The following TTC23 variants were observed in gnomAD, a reference collection of about 807,000 sequenced individuals.
The protein encoded by TTC23 is tetratricopeptide repeat domain 23.
Under a neutral mutation model 55.1 loss-of-function variants are expected in TTC23, and 58 were observed. The observed-to-expected ratio is 1.05, with a 90% CI of 0.85 to 1.31. The LOEUF is 1.31. Ranked by LOEUF, TTC23 falls within the 50% of genes most tolerant of loss-of-function variation. TTC23 has a pLI of 0.00. For synonymous variants in TTC23, 203 were observed against 199.9 expected, an observed-to-expected ratio of 1.02 and a Z score of -0.13; for missense variants, 516 against 534.4, an observed-to-expected ratio of 0.97 and a Z score of 0.34.
chr15:99,230,474 A>G (rs1250813677), intron 4 of TTC23, among the ~76,000 whole-genome samples: 3 of 152,188 alleles, frequency 2.0e-5, no homozygotes, highest in Non-Finnish European at 4.4e-5. Context: ...AAATTTAAGA[A>G]AAAGCATAAA....
intron 10 of TTC23, among the ~76,000 whole-genome samples, chr15:99,174,723 C>T (rs1173991389): frequency 6.6e-6 from 1 of 152,048 alleles, no homozygotes; most frequent in Non-Finnish European, 1.5e-5. Flanking sequence ...CCACAACAAT[C>T]TTTAAAAATA....
At chr15:99,155,587 A>T (rs2151878948) in intron 12 of TTC23, 1 of 152,708 alleles carries the variant, frequency 6.5e-6, no homozygotes, top group South Asian at 2.1e-4. Flanking sequence ...ATATTGACAC[A>T]TGAATAAACA....
intron 12 of TTC23, among the ~76,000 whole-genome samples, chr15:99,146,646 A>C (rs1015449672): frequency 6.6e-6 from 1 of 152,194 alleles, no homozygotes; most frequent in Non-Finnish European, 1.5e-5. Context: ...CTGTACACTC[A>C]CTAAGCCATG....
chr15:99,143,285 A>C (rs2068456489), intron 12 of TTC23, among the ~76,000 whole-genome samples: 1 of 152,256 alleles, frequency 6.6e-6, no homozygotes, highest in African/African-American at 2.4e-5. Flanking sequence ...ATTTTTCAGC[A>C]TTCTGCTCTT....
At chr15:99,169,353 A>T (rs78346972) in intron 10 of TTC23, among the ~76,000 whole-genome samples, 14,650 of 152,150 alleles carry the variant, frequency 0.096, 878 homozygotes, top group East Asian at 0.29. Flanking sequence ...CTCTCACTTG[A>T]CTGTACCACC....
intron 5 of TTC23, among the ~76,000 whole-genome samples, chr15:99,224,309 T>A (rs1241536746): frequency 2.0e-5 from 3 of 152,226 alleles, no homozygotes; most frequent in Non-Finnish European, 2.9e-5. Flanking sequence ...GTTTACCGCC[T>A]AGAGATATCT....
intron 12 of TTC23, chr15:99,140,835 C>CAGTGCACAGA (rs1452879612): frequency 6.6e-6 from 1 of 152,172 alleles, no homozygotes; most frequent in Non-Finnish European, 1.5e-5. Context: ...AAGATTCTTG[C>CAGTGCACAGA]AGTGCACAGA....
chr15:99,137,637 C>T lies in TTC23; in HGVS notation c.*373G>A, dbSNP rs2067696287. On this transcript the variant is annotated 3_prime_UTR_variant, in exon 14 of 14. Transcript: ENST00000394132. Reference sequence around the variant, plus strand: ...ACTTCCTGAAGTTCACTGTCCAGATCTAACTCCACACCTATGCAAGGAGCT... The same window carrying T: ...ACTTCCTGAAGTTCACTGTCCAGATTTAACTCCACACCTATGCAAGGAGCT... The T allele has an allele frequency of 1.0e-5, 2 of 196,092 alleles. No individual in the cohort carries two copies. Among genetic ancestry groups the T allele is most frequent in the Non-Finnish European group, 2.1e-5 (2 of 94,664 alleles). 12.1% of individuals were successfully genotyped at this position (196,092 alleles called of 1,614,324 possible).
At position 99,167,977 on chromosome 15, in the gene TTC23, T is replaced by C. The variant is rs1275156890; in HGVS notation, c.866-6110A>G. Among the ~76,000 whole-genome samples, 4 of 152,308 alleles carry C rather than the reference T, an allele frequency of 2.6e-5. No individual in the cohort carries two copies. In the South Asian group the frequency reaches 8.3e-4, roughly 32 times the overall value. ...ACCCAGGAAACACATTGAAGCTACT[T>C]AGACCCTGCTGGGGGCTGCTGTTCG... On this transcript the variant is annotated intron_variant, in intron 10 of 13. Transcript: ENST00000394132.
At chr15:99,205,146 C>T (rs2076520247) in intron 8 of TTC23, among the ~76,000 whole-genome samples, 1 of 152,008 alleles carries the variant, frequency 6.6e-6, no homozygotes, top group Non-Finnish European at 1.5e-5. Context: ...TATTCTGTTC[C>T]ATTGGTCTAT....
Position 99,197,905 on chromosome 15 carries a change from C to CAAAAAAA in TTC23, c.759+2007_759+2013dup, listed in dbSNP as rs199825292. On this transcript the variant is annotated intron_variant, in intron 9 of 13. Coordinates refer to ENST00000394132, the MANE Select transcript of TTC23 (RefSeq NM_001288615.3). ...GCAACAGAGCAAGACTCCGCTCAAA[C>CAAAAAAA]AAAAAAAAAAAAGAAAAAAGAAAAA... Among the ~76,000 whole-genome samples, 3 of 128,588 alleles carry CAAAAAAA rather than the reference C, an allele frequency of 2.3e-5. 1 individual carries two copies. The highest frequency in any genetic ancestry group is 5.0e-4 in the South Asian group (2 of 4,002). 84.4% of individuals were successfully genotyped at this position (128,588 alleles called of 152,430 possible).
At chr15:99,236,982 G>GTTT (rs200232010) in intron 3 of TTC23, among the ~76,000 whole-genome samples, 12 of 141,560 alleles carry the variant, frequency 8.5e-5, no homozygotes, top group Non-Finnish European at 9.2e-5. Context: ...TCACTCCTAA[G>GTTT]TTTTTTTTTT....
chr15:99,230,601 T>A (rs2152072884), intron 4 of TTC23, among the ~76,000 whole-genome samples: 1 of 151,660 alleles, frequency 6.6e-6, no homozygotes, highest in African/African-American at 2.4e-5. Flanking sequence ...AGCAAAAATC[T>A]CAAAAGTAGA....
rs1027220833 is a variant in TTC23, at chr15:99,218,885, G to A, written c.455+13C>T. On this transcript the variant is annotated intron_variant, in intron 7 of 13. Coordinates refer to ENST00000394132, the MANE Select transcript of TTC23 (RefSeq NM_001288615.3). ...AGTATTTCTATTTGTAAAAGTTAGA[G>A]GCAAAAGGATACTTTTGAAGGGAGA... 3.1e-6 allele frequency: 5 copies of A among 1,608,920 alleles called. No individual in the cohort carries two copies. Among genetic ancestry groups the A allele is most frequent in the Non-Finnish European group, 4.2e-6 (5 of 1,177,324 alleles).
At chr15:99,166,250 T>C (rs1217820460) in intron 10 of TTC23, among the ~76,000 whole-genome samples, 2 of 152,174 alleles carry the variant, frequency 1.3e-5, no homozygotes, top group African/African-American at 4.8e-5. Context: ...CTAGTCCTCT[T>C]CTTTGTAATG....
At chr15:99,166,778 A>G (rs1317443759) in intron 10 of TTC23, among the ~76,000 whole-genome samples, 1 of 152,142 alleles carries the variant, frequency 6.6e-6, no homozygotes, top group Middle Eastern at 3.2e-3. Context: ...ATAAGGCCAG[A>G]TAGAGGGTTC....
chr15:99,221,950 T>A, intron 5 of TTC23, 86 bp from the exon 6 acceptor site: 5 of 1,483,878 alleles, frequency 3.4e-6, no homozygotes, highest in Non-Finnish European at 4.6e-6. Flanking sequence ...ATCCCTTTGA[T>A]AAATACTGAG....
intron 13 of TTC23, among the ~76,000 whole-genome samples, chr15:99,138,907 CTGAG>C (rs1555488572): frequency 6.6e-6 from 1 of 152,218 alleles, no homozygotes. Context: ...TCTGCTCGGG[CTGAG>C]AAAGGACGTA....
chr15:99,218,974 T>G lies in TTC23; in HGVS notation c.379A>C (p.Ser127Arg), dbSNP rs988420446. ...AACTTGAAAACATCTGTATTCTCACTATAGGGAGGCACAATGGAGTTGGCG... is the reference window on the plus strand; with the variant it reads ...AACTTGAAAACATCTGTATTCTCACGATAGGGAGGCACAATGGAGTTGGCG... Reference protein sequence around the residue: ...ILANSIVPPYSENTDVFKFSI... With the variant: ...ILANSIVPPYRENTDVFKFSI... Residue 127 changes from serine (S) to arginine (R), a missense_variant, in exon 7 of 14, where the codon AGT (serine) becomes CGT (arginine). Transcript: ENST00000394132. 2 of 1,614,102 alleles carry G rather than the reference T, an allele frequency of 1.2e-6. No individual in the cohort carries two copies. The highest frequency in any genetic ancestry group is 2.7e-5 in the African/African-American group (2 of 74,938).
Sources: allele counts gnomAD v4.1 joint callset (sites outside exome capture counted in the v4.1 genomes callset), GRCh38; gene constraint gnomAD v4.1.1; transcripts MANE v1.5; gene names NCBI Gene and HGNC (gene_info 2026-07-23, HGNC 2026-07-21).